Variants in KIAA1217 observed in about 807,000 individuals in gnomAD.
The protein encoded by KIAA1217 is sickle tail protein homolog.
KIAA1217 carries 88 observed loss-of-function variants against 163.9 expected under a neutral mutation model. That is an observed-to-expected ratio of 0.54 (90% CI 0.45 to 0.64). KIAA1217 has a LOEUF of 0.64. Ranked by LOEUF, KIAA1217 falls within the 30% of genes least tolerant of loss-of-function variation. The pLI is 0.00. For synonymous variants in KIAA1217, 903 were observed against 923.1 expected, an observed-to-expected ratio of 0.98 and a Z score of 0.39; for missense variants, 2,372 against 2,475.0, an observed-to-expected ratio of 0.96 and a Z score of 0.88.
At chr10:24,134,821 CTG>C (rs2063776737) in intron 2 of KIAA1217, among the ~76,000 whole-genome samples, 1 of 152,166 alleles carries the variant, frequency 6.6e-6, no homozygotes, top group Non-Finnish European at 1.5e-5. Flanking sequence ...AACCCATCCT[CTG>C]GCTTCAGCTT....
intron 3 of KIAA1217, among the ~76,000 whole-genome samples, chr10:24,413,824 G>T (rs747852720): frequency 2.6e-5 from 4 of 151,922 alleles, no homozygotes; most frequent in Admixed American, 6.6e-5. Flanking sequence ...ATAGCAATCC[G>T]CCCACTTCCA....
At chr10:24,281,330 C>T (rs888267551) in intron 2 of KIAA1217, among the ~76,000 whole-genome samples, 1 of 152,194 alleles carries the variant, frequency 6.6e-6, no homozygotes, top group African/African-American at 2.4e-5. Context: ...ACATGAATTA[C>T]AAGATCAGAA....
At chr10:24,277,273 T>C (rs1162597431) in intron 2 of KIAA1217, among the ~76,000 whole-genome samples, 1 of 152,228 alleles carries the variant, frequency 6.6e-6, no homozygotes, top group Non-Finnish European at 1.5e-5. Context: ...CTGCTGAATT[T>C]ACTTCCAACT....
At chr10:23,999,831 G>C (rs560114499) in intron 1 of KIAA1217, among the ~76,000 whole-genome samples, 1 of 152,126 alleles carries the variant, frequency 6.6e-6, no homozygotes, top group Admixed American at 6.5e-5. Context: ...AGGCCAAGGC[G>C]AGAGGATCGC....
At chr10:24,344,999 T>C (rs1241339195) in intron 2 of KIAA1217, among the ~76,000 whole-genome samples, 1 of 152,228 alleles carries the variant, frequency 6.6e-6, no homozygotes, top group Non-Finnish European at 1.5e-5. Flanking sequence ...TTCTGTTCAA[T>C]TGAACAAAGA....
chr10:23,723,512 A>T (rs374250007), intron 1 of KIAA1217, among the ~76,000 whole-genome samples: 1 of 152,216 alleles, frequency 6.6e-6, no homozygotes, highest in Non-Finnish European at 1.5e-5. Flanking sequence ...GTCTTAGTGC[A>T]TGCATCTTGG....
intron 16 of KIAA1217, among the ~76,000 whole-genome samples, chr10:24,535,413 A>G (rs977355601): frequency 3.3e-5 from 5 of 152,200 alleles, no homozygotes; most frequent in Non-Finnish European, 7.3e-5. Flanking sequence ...GCTGGCAGAG[A>G]TATCTCCAAA....
In KIAA1217 at chr10:24,088,373, G is replaced by A. The variant is rs1188681636; in HGVS notation, c.-171+80999G>A. On this transcript the variant is annotated intron_variant, in intron 2 of 18. Transcript: ENST00000376462. ...AGGTTTGTTACATATGTATACATGTGCCATGTTGGTGTGCTGCACCCATTA... is the reference window on the plus strand; with the variant it reads ...AGGTTTGTTACATATGTATACATGTACCATGTTGGTGTGCTGCACCCATTA... Among the ~76,000 whole-genome samples, 13 of 117,800 alleles carry A rather than the reference G, an allele frequency of 1.1e-4. 2 individuals are homozygous for A. The highest frequency in any genetic ancestry group is 4.2e-5 in the Non-Finnish European group (2 of 47,884). 77.3% of individuals were successfully genotyped at this position (117,800 alleles called of 152,430 possible). A position where few individuals can be genotyped will look rare whatever the true frequency, so the allele number is the denominator to read the frequency against.
intron 1 of KIAA1217, among the ~76,000 whole-genome samples, chr10:23,790,167 A>ATGCG (rs1835707810): frequency 1.5e-5 from 1 of 65,300 alleles, no homozygotes; most frequent in Non-Finnish European, 2.7e-5. Context: ...ATATACACAT[A>ATGCG]TACACATATG....
chr10:24,504,997 A>C (rs1235187060), intron 9 of KIAA1217, among the ~76,000 whole-genome samples: 3 of 152,098 alleles, frequency 2.0e-5, no homozygotes, highest in Non-Finnish European at 4.4e-5. Context: ...GAATTATTTG[A>C]AACCCTTAGC....
chr10:24,301,607 C>A (rs1385070187), intron 2 of KIAA1217, among the ~76,000 whole-genome samples: 6 of 152,218 alleles, frequency 3.9e-5, no homozygotes, highest in Non-Finnish European at 5.9e-5. Context: ...AGCTTCATCC[C>A]CAGATCACTT....
intron 2 of KIAA1217, among the ~76,000 whole-genome samples, chr10:24,232,727 T>G (rs958548745): frequency 1.3e-5 from 2 of 152,058 alleles, no homozygotes; most frequent in Non-Finnish European, 2.9e-5. Context: ...GCCTTTGCCA[T>G]TTATTCATTC....
At chr10:24,074,351 T>G (rs1245568436) in intron 2 of KIAA1217, among the ~76,000 whole-genome samples, 1 of 151,756 alleles carries the variant, frequency 6.6e-6, no homozygotes, top group Admixed American at 6.6e-5. Context: ...AGACTCTGTC[T>G]CAAACAACAA....
Position 24,515,256 on chromosome 10 carries a change from C to T in KIAA1217, c.2177+1822C>T, listed in dbSNP as rs538113888. ...CTAATTTTTGTATTTTTAGTAAAGA[C>T]GGCGTTTCACCATATTGGTCAGGCT... On this transcript the variant is annotated intron_variant, in intron 10 of 20. Coordinates refer to ENST00000376454, the MANE Select transcript of KIAA1217 (RefSeq NM_019590.5). 2.3e-4 allele frequency among the ~76,000 whole-genome samples: 35 copies of T among 151,830 alleles called. No individual in the cohort carries two copies. In the South Asian group the frequency reaches 4.4e-3, roughly 19 times the overall value.
chr10:24,255,292 T>C, intron 2 of KIAA1217: 1 of 292,738 alleles, frequency 3.4e-6, no homozygotes, highest in Non-Finnish European at 6.8e-6. Context: ...GGCATTTGCA[T>C]AGTAATGAAA....
intron 2 of KIAA1217, among the ~76,000 whole-genome samples, chr10:24,345,497 G>A (rs564157500): frequency 2.2e-4 from 34 of 152,290 alleles, no homozygotes; most frequent in Non-Finnish European, 3.8e-4. Context: ...AAACACTAAC[G>A]GGACCATTAG....
At chr10:23,928,230 G>A (rs1843110440) in intron 1 of KIAA1217, among the ~76,000 whole-genome samples, 1 of 152,178 alleles carries the variant, frequency 6.6e-6, no homozygotes, top group African/African-American at 2.4e-5. Flanking sequence ...GTTTAGGCTT[G>A]GTAGGGCCAC....
At chr10:24,380,392 G>A (rs1379097717) in intron 2 of KIAA1217, among the ~76,000 whole-genome samples, 1 of 152,038 alleles carries the variant, frequency 6.6e-6, no homozygotes. Context: ...TTGGGAGGCC[G>A]AGGCAGGCGG....
intron 2 of KIAA1217, among the ~76,000 whole-genome samples, chr10:24,031,879 G>T (rs1461857573): frequency 6.6e-6 from 1 of 152,118 alleles, no homozygotes; most frequent in Non-Finnish European, 1.5e-5. Context: ...TAAATATGTA[G>T]AATTTTCCTA....
Sources: gnomAD v4.1 joint callset for allele counts (sites outside exome capture counted in the v4.1 genomes callset) on GRCh38, gnomAD v4.1.1 for gene constraint, MANE v1.5 for transcripts, NCBI Gene and HGNC (gene_info 2026-07-23, HGNC 2026-07-21) for gene names.